RALYL: variants seen among roughly 807,000 people sequenced by gnomAD.
RALYL encodes RNA-binding Raly-like protein.
In RALYL, 29 loss-of-function variants were observed where a neutral mutation model predicts 35.1. The observed-to-expected ratio is 0.83, with a 90% CI of 0.61 to 1.13. The LOEUF (loss-of-function observed/expected upper bound fraction) is 1.13. Among genes scored for constraint, RALYL ranks in the 50% most tolerant of loss-of-function variants. The pLI is 0.00. For missense variants in RALYL, 359 were observed against 360.4 expected, an observed-to-expected ratio of 1.00 and a Z score of 0.03; for synonymous variants, 120 against 127.6, an observed-to-expected ratio of 0.94 and a Z score of 0.40.
chr8:84,610,175 G>GT (rs1056452481), intron 2 of RALYL, among the ~76,000 whole-genome samples: 66 of 152,004 alleles, frequency 4.3e-4, no homozygotes, highest in African/African-American at 1.4e-3. Flanking sequence ...TTTTCTTTTA[G>GT]TTTTTACCGA....
intron 5 of RALYL, among the ~76,000 whole-genome samples, chr8:84,851,107 T>C (rs1347192559): frequency 1.3e-5 from 2 of 152,232 alleles, no homozygotes; most frequent in African/African-American, 4.8e-5. Context: ...TCATCTTTGA[T>C]CAATTCTTTC....
chr8:84,615,570 C>CTTTTTTTCT (rs1819334800), intron 2 of RALYL, among the ~76,000 whole-genome samples: 1 of 67,364 alleles, frequency 1.5e-5, no homozygotes, highest in Non-Finnish European at 2.7e-5. Context: ...GAACTTTCGT[C>CTTTTTTTCT]TTTTTTTTTT....
chr8:84,475,627 GA>G (rs1250044962), intron 1 of RALYL, among the ~76,000 whole-genome samples: 2 of 152,086 alleles, frequency 1.3e-5, no homozygotes, highest in Non-Finnish European at 2.9e-5. Context: ...TGAGAATTGT[GA>G]ATTATCAGAA....
chr8:84,268,858 G>A (rs942643505), intron 1 of RALYL, among the ~76,000 whole-genome samples: 1 of 152,118 alleles, frequency 6.6e-6, no homozygotes, highest in Non-Finnish European at 1.5e-5. Flanking sequence ...GTTCCCATAA[G>A]GCAAGGGAAG....
At chr8:84,893,006 G>A (rs986799883) in intron 8 of RALYL, among the ~76,000 whole-genome samples, 2 of 152,104 alleles carry the variant, frequency 1.3e-5, no homozygotes, top group South Asian at 4.1e-4. Context: ...AGGAAAATAA[G>A]AAAGATATGA....
rs186252558 is a variant in RALYL, at chr8:84,634,471, T to C, written c.256+104894T>C. On this transcript the variant is annotated intron_variant, in intron 2 of 8. Transcript: ENST00000521268. Reference sequence around the variant, plus strand: ...TTTATTTAACTTCTGAAGCTATTTATGAAATATTCGTCCTATTGGACTGTG... The same window carrying C: ...TTTATTTAACTTCTGAAGCTATTTACGAAATATTCGTCCTATTGGACTGTG... 1.6e-3 allele frequency among the ~76,000 whole-genome samples: 246 copies of C among 151,978 alleles called. 2 individuals are homozygous for C. Among genetic ancestry groups the C allele is most frequent in the African/African-American group, 5.3e-3 (220 of 41,524 alleles).
At chr8:84,819,062 T>A (rs2134207123) in intron 4 of RALYL, among the ~76,000 whole-genome samples, 1 of 152,296 alleles carries the variant, frequency 6.6e-6, no homozygotes. Flanking sequence ...GGTTTCAATT[T>A]TCTCTATGTC....
At chr8:84,570,601 A>G (rs1807718749) in intron 2 of RALYL, among the ~76,000 whole-genome samples, 1 of 151,914 alleles carries the variant, frequency 6.6e-6, no homozygotes, top group Admixed American at 6.6e-5. Flanking sequence ...CTCTGGCTAG[A>G]ACTTCCAATA....
intron 3 of RALYL, among the ~76,000 whole-genome samples, chr8:84,801,854 A>AAAAC (rs1823363627): frequency 6.6e-6 from 1 of 152,190 alleles, no homozygotes; most frequent in African/African-American, 2.4e-5. Flanking sequence ...TGGTAACACA[A>AAAAC]AAACATTTCA....
intron 1 of RALYL, among the ~76,000 whole-genome samples, chr8:84,301,656 A>G (rs1328827541): frequency 6.6e-6 from 1 of 152,128 alleles, no homozygotes; most frequent in Non-Finnish European, 1.5e-5. Flanking sequence ...TAAATTGTAC[A>G]TCCATAGGGG....
At chr8:84,868,016 A>G (rs959014013) in intron 6 of RALYL, among the ~76,000 whole-genome samples, 2 of 152,140 alleles carry the variant, frequency 1.3e-5, no homozygotes, top group Admixed American at 6.6e-5. Context: ...TTTTATATGC[A>G]TAATAATAAA....
At chr8:84,741,839 A>T (rs940503290) in intron 2 of RALYL, among the ~76,000 whole-genome samples, 2 of 152,044 alleles carry the variant, frequency 1.3e-5, no homozygotes, top group Non-Finnish European at 2.9e-5. Flanking sequence ...AAGTTTTACA[A>T]TATTCCATAC....
At chr8:84,366,098 T>G (rs1311705779) in intron 1 of RALYL, among the ~76,000 whole-genome samples, 1 of 152,200 alleles carries the variant, frequency 6.6e-6, no homozygotes, top group African/African-American at 2.4e-5. Context: ...TGCTCTGTTG[T>G]CTGGTGCCAG....
chr8:84,773,711 C>A (rs1816141704), intron 2 of RALYL, among the ~76,000 whole-genome samples: 1 of 152,186 alleles, frequency 6.6e-6, no homozygotes, highest in African/African-American at 2.4e-5. Flanking sequence ...ATTCCAGTTG[C>A]TGAGTGCATT....
intron 1 of RALYL, among the ~76,000 whole-genome samples, chr8:84,358,848 T>TA (rs1229559595): frequency 1.3e-4 from 20 of 152,042 alleles, no homozygotes; most frequent in Non-Finnish European, 2.5e-4. Context: ...GCCCTAGCAT[T>TA]ATAAGAACTA....
At chr8:84,376,236 G>A (rs1856891983) in intron 1 of RALYL, among the ~76,000 whole-genome samples, 2 of 151,852 alleles carry the variant, frequency 1.3e-5, no homozygotes, top group African/African-American at 4.8e-5. Context: ...TCAGTACTTG[G>A]AATAGTTTTA....
At chr8:84,422,018 T>G (rs2045687012) in intron 1 of RALYL, among the ~76,000 whole-genome samples, 1 of 152,168 alleles carries the variant, frequency 6.6e-6, no homozygotes, top group Admixed American at 6.5e-5. Flanking sequence ...TCTTTTTTGG[T>G]TGTGTCTCTG....
chr8:84,461,739 G>A (rs1022303179), intron 1 of RALYL, among the ~76,000 whole-genome samples: 3 of 151,620 alleles, frequency 2.0e-5, no homozygotes, highest in Non-Finnish European at 3.0e-5. Flanking sequence ...ATTGGGATTC[G>A]ATTTTTTGAA....
At chr8:84,683,295 G>A (rs927952525) in intron 2 of RALYL, among the ~76,000 whole-genome samples, 1 of 152,128 alleles carries the variant, frequency 6.6e-6, no homozygotes, top group African/African-American at 2.4e-5. Context: ...GTGTGGTGTG[G>A]TGCTGAAAAG....
Sources: allele counts gnomAD v4.1 joint callset (sites outside exome capture counted in the v4.1 genomes callset), GRCh38; gene constraint gnomAD v4.1.1; transcripts MANE v1.5; gene names NCBI Gene and HGNC (gene_info 2026-07-23, HGNC 2026-07-21).